The following BOD1 variants were observed in gnomAD, a reference collection of about 807,000 sequenced individuals.
BOD1 encodes the protein biorientation of chromosomes in cell division 1, also known as biorientation of chromosomes in cell division protein 1.
BOD1 carries 11 observed loss-of-function variants against 15.7 expected under a neutral mutation model. The ratio of observed to expected loss-of-function variants is 0.70; its 90% confidence interval spans 0.44 to 1.16. BOD1 has a LOEUF of 1.16. Among genes scored for constraint, BOD1 ranks in the 50% most tolerant of loss-of-function variants. BOD1 has a pLI of 0.00. For missense variants in BOD1, 182 were observed against 244.5 expected (o/e 0.74, Z 1.70); for synonymous variants, 105 against 103.5 (o/e 1.01, Z -0.09).
chr5:173,611,778 C>A (rs895170096), intron 2 of BOD1, among the ~76,000 whole-genome samples: 3 of 152,152 alleles, frequency 2.0e-5, no homozygotes, highest in African/African-American at 7.2e-5. Context: ...CAAGAGGAAG[C>A]GCCACATGCA....
At chr5:173,608,490 A>G (rs258860) in intron 3 of BOD1, among the ~76,000 whole-genome samples, 198 bp from the exon 4 acceptor site, 73,412 of 151,964 alleles carry the variant, frequency 0.48, 19,245 homozygotes, top group East Asian at 0.8. Context: ...CATCACTGAC[A>G]CTCAAAACGC....
chr5:173,613,737 C>T (rs1418713357), intron 1 of BOD1, among the ~76,000 whole-genome samples: 1 of 152,232 alleles, frequency 6.6e-6, no homozygotes, highest in Non-Finnish European at 1.5e-5. Context: ...CAGCAGGCCT[C>T]AATTCCATGA....
At chr5:173,612,180 TA>T (rs1755371152) in intron 2 of BOD1, among the ~76,000 whole-genome samples, 1 of 152,244 alleles carries the variant, frequency 6.6e-6, no homozygotes, top group African/African-American at 2.4e-5. Context: ...AGCTTGTTAG[TA>T]AAACACTTTT....
At chr5:173,613,664 G>T (rs1755414945) in intron 1 of BOD1, among the ~76,000 whole-genome samples, 1 of 152,192 alleles carries the variant, frequency 6.6e-6, no homozygotes, top group African/African-American at 2.4e-5. Flanking sequence ...GATTCAGTTT[G>T]CTATGCAGCA....
chr5:173,611,132 C>T (rs1327034851), intron 2 of BOD1, among the ~76,000 whole-genome samples: 1 of 152,338 alleles, frequency 6.6e-6, no homozygotes, highest in South Asian at 2.1e-4. Context: ...GAGTGCAGCT[C>T]ACTTTCCTGG....
At chr5:173,613,340 A>G in intron 1 of BOD1, 85 bp from the exon 2 acceptor site, 1 of 1,493,626 alleles carries the variant, frequency 6.7e-7, no homozygotes, top group Non-Finnish European at 9.3e-7. Context: ...TGCTTTTCAC[A>G]GAAACGTTAT....
rs1022890483 is a variant in BOD1 at position 173,613,075 on chromosome 5, G to A, written c.362+56C>T. ...ACTAAACAGAGACCTCAACCTTCTT[G>A]TGCATCACACTTGTGATGACTGCCT... is the stretch of plus-strand genomic sequence containing the variant. On this transcript the variant is annotated intron_variant, in intron 2 of 3. Coordinates refer to ENST00000311086, the MANE Select transcript of BOD1 (RefSeq NM_138369.3). 5 of 1,519,682 alleles carry A rather than the reference G, an allele frequency of 3.3e-6. No homozygotes were observed. In the African/African-American group the frequency reaches 7.9e-5, roughly 24 times the overall value. 94.1% of individuals were successfully genotyped at this position (1,519,682 alleles called of 1,614,324 possible). A position where few individuals can be genotyped will look rare whatever the true frequency, so the allele number is the denominator to read the frequency against.
At chr5:173,615,140 A>G (rs988765809) in intron 1 of BOD1, among the ~76,000 whole-genome samples, 1 of 152,224 alleles carries the variant, frequency 6.6e-6, no homozygotes, top group Non-Finnish European at 1.5e-5. Context: ...TCAAGGACAG[A>G]CTTCTAGTTG....
At chr5:173,613,372 T>A in intron 1 of BOD1, 117 bp from the exon 2 acceptor site, 5 of 1,235,150 alleles carry the variant, frequency 4.0e-6, no homozygotes. Flanking sequence ...ACACTTCCAC[T>A]GTGCATGAAG....
At position 173,616,365 on chromosome 5, in the gene BOD1, C is replaced by CCCGGCAGAGGCCTGGCTAGTT; in HGVS notation, c.51_71dup (p.Thr18_Gly24dup). The CCCGGCAGAGGCCTGGCTAGTT allele has an allele frequency of 1.3e-6, 2 of 1,528,628 alleles. No individual in the cohort carries two copies. Among genetic ancestry groups the CCCGGCAGAGGCCTGGCTAGTT allele is most frequent in the Non-Finnish European group, 1.7e-6 (2 of 1,144,458 alleles). The allele number at this position is 1,528,628 out of a possible 1,614,324, so 94.7% of individuals were successfully genotyped here. ...TGGCCCCAGTAGCGCCAGTCGCTGC[C>CCCGGCAGAGGCCTGGCTAGTT]CCGGCAGAGGCCTGGCTAGTTCCGC... On this transcript the variant is annotated inframe_insertion, in exon 1 of 4. Coordinates refer to ENST00000311086, the MANE Select transcript of BOD1 (RefSeq NM_138369.3).
chr5:173,610,670 C>G (rs767770420), intron 2 of BOD1, among the ~76,000 whole-genome samples: 9 of 152,314 alleles, frequency 5.9e-5, no homozygotes, highest in Admixed American at 2.0e-4. Flanking sequence ...ACCTTTCCAA[C>G]TTTACCAAAC....
chr5:173,615,730 G>C (rs1391606083), intron 1 of BOD1, among the ~76,000 whole-genome samples: 1 of 152,154 alleles, frequency 6.6e-6, no homozygotes, highest in Non-Finnish European at 1.5e-5. Context: ...ATTCAACGCC[G>C]TACTAGTCTG....
rs922756239 is a variant in BOD1 at position 173,608,062 on chromosome 5, G to A, written c.*232C>T. 50 of 479,570 alleles carry A rather than the reference G, an allele frequency of 1.0e-4. No individual in the cohort carries two copies. The highest frequency in any genetic ancestry group is 5.8e-4 in the Middle Eastern group (1 of 1,728). 29.7% of individuals were successfully genotyped at this position (479,570 alleles called of 1,614,324 possible). ...TCTCTCTCTGTAGTGTCTACTTGGT[G>A]TCATGCCCTTGGACAGGCTGGCCAA... On this transcript the variant is annotated 3_prime_UTR_variant, in exon 4 of 4. Transcript: ENST00000311086.
intron 2 of BOD1, among the ~76,000 whole-genome samples, chr5:173,611,912 T>TAA (rs1170411425): frequency 1.3e-5 from 2 of 152,242 alleles, no homozygotes. Context: ...CAAGACAGGG[T>TAA]AAACACAAGT....
intron 1 of BOD1, 113 bp downstream of exon 1, chr5:173,616,087 G>T: frequency 7.2e-7 from 1 of 1,385,362 alleles, no homozygotes; most frequent in Non-Finnish European, 9.8e-7. Context: ...AGACCTCACC[G>T]CTGAGATTTC....
At chr5:173,611,200 T>C (rs906393911) in intron 2 of BOD1, among the ~76,000 whole-genome samples, 2 of 152,192 alleles carry the variant, frequency 1.3e-5, no homozygotes, top group South Asian at 2.1e-4. Context: ...ATGTACAAGA[T>C]GGAAAAAACA....
At position 173,608,115 on chromosome 5, in the gene BOD1, G is replaced by T; in HGVS notation, c.*179C>A. 1 of 707,790 alleles carries T rather than the reference G, an allele frequency of 1.4e-6. No homozygotes were observed. The highest frequency in any genetic ancestry group is 2.6e-5 in the East Asian group (1 of 38,662). The allele number at this position is 707,790 out of a possible 1,614,324, so 43.8% of individuals were successfully genotyped here. On this transcript the variant is annotated 3_prime_UTR_variant, in exon 4 of 4. Transcript: ENST00000311086. ...GGCAGCACAATGCAGGGGGTGACAC[G>T]GTCAACTCTCCCACTGCCGAACTTG...
chr5:173,616,147 C>G, intron 1 of BOD1, 53 bp downstream of exon 1: 1 of 1,545,524 alleles, frequency 6.5e-7, no homozygotes, highest in Non-Finnish European at 8.7e-7. Context: ...AAGCTGCCAC[C>G]CGGCGGCCTC....
intron 1 of BOD1, 76 bp downstream of exon 1, chr5:173,616,124 C>T (rs1755489574): frequency 2.0e-6 from 3 of 1,524,674 alleles, no homozygotes; most frequent in East Asian, 2.5e-5. Flanking sequence ...TTGCTCTCGG[C>T]TTTCGAAAAT....
Sources: allele counts gnomAD v4.1 joint callset (sites outside exome capture counted in the v4.1 genomes callset), GRCh38; gene constraint gnomAD v4.1.1; transcripts MANE v1.5; gene names NCBI Gene and HGNC (gene_info 2026-07-23, HGNC 2026-07-21).